Variants in OR2A42 observed in about 807,000 individuals in gnomAD.
The protein encoded by OR2A42 is olfactory receptor family 2 subfamily A member 42, also known as olfactory receptor 2A1/2A42.
For missense variants in OR2A42, 3 were observed against 104.1 expected, an observed-to-expected ratio of 0.03 and a Z score of 4.23; for synonymous variants, 5 against 46.4, an observed-to-expected ratio of 0.11 and a Z score of 3.63.
At chr7:144,235,011 G>C (rs2052408232) in intron 2 of OR2A42, among the ~76,000 whole-genome samples, 1 of 146,610 alleles carries the variant, frequency 6.8e-6, no homozygotes, top group South Asian at 2.2e-4. Flanking sequence ...ATGCGGTGGT[G>C]TGATTACGGC....
At chr7:144,235,638 T>A (rs1224255033) in intron 2 of OR2A42, among the ~76,000 whole-genome samples, 1 of 152,204 alleles carries the variant, frequency 6.6e-6, no homozygotes, top group African/African-American at 2.4e-5. Flanking sequence ...ATCTGGAATG[T>A]CTACTATAAT....
At position 144,230,009 on chromosome 7, in the gene OR2A42, A is replaced by G. The variant is rs2052351600; in HGVS notation, c.*1902T>C. On this transcript the variant is annotated 3_prime_UTR_variant, in exon 3 of 3. Transcript: ENST00000641810. Reference sequence around the variant, plus strand: ...GATGAACCATCAACTTAAAAGTTTTATCCATTGTTTTTGGTTTCACCATCC... The same window carrying G: ...GATGAACCATCAACTTAAAAGTTTTGTCCATTGTTTTTGGTTTCACCATCC... The G allele has an allele frequency of 6.7e-6, 1 of 150,050 alleles. No homozygotes were observed. Among genetic ancestry groups the G allele is most frequent in the Non-Finnish European group, 1.5e-5 (1 of 67,174 alleles). The allele number at this position is 150,050 out of a possible 1,614,324, so 9.3% of individuals were successfully genotyped here.
In OR2A42 at chr7:144,229,746, A is replaced by G. The variant is rs1197427088; in HGVS notation, c.*2165T>C. 2 of 150,538 alleles carry G rather than the reference A, an allele frequency of 1.3e-5. No homozygotes were observed. The highest frequency in any genetic ancestry group is 4.9e-5 in the African/African-American group (2 of 41,154). 9.3% of individuals were successfully genotyped at this position (150,538 alleles called of 1,614,324 possible). A position where few individuals can be genotyped will look rare whatever the true frequency, so the allele number is the denominator to read the frequency against. ...CAATGGAATTACAAATTGTATATCC[A>G]GTTTGGGTAATTTTAAAAAATTTAA... On this transcript the variant is annotated 3_prime_UTR_variant, in exon 3 of 3. Coordinates refer to ENST00000641810, the MANE Select transcript of OR2A42 (RefSeq NM_001001802.3).
chr7:144,229,118 G>C lies in OR2A42; in HGVS notation c.*2793C>G, dbSNP rs1194664509. The C allele has an allele frequency of 1.4e-5, 2 of 145,696 alleles. No homozygotes were observed. The highest frequency in any genetic ancestry group is 2.5e-5 in the African/African-American group (1 of 39,968). 9.0% of individuals were successfully genotyped at this position (145,696 alleles called of 1,614,324 possible). ...CTCTTCCTGTTTAAAGAGCAATTTT[G>C]GTTCCAGATCAGAAAGTTTAGCAAC... is the stretch of plus-strand genomic sequence containing the variant. On this transcript the variant is annotated 3_prime_UTR_variant, in exon 3 of 3. Transcript: ENST00000641810.
rs1380569634 is a variant in OR2A42, at chr7:144,229,767, T to A, written c.*2144A>T. 1.3e-5 allele frequency: 2 copies of A among 150,500 alleles called. No homozygotes were observed. Among genetic ancestry groups the A allele is most frequent in the Non-Finnish European group, 3.0e-5 (2 of 67,152 alleles). 9.3% of individuals were successfully genotyped at this position (150,500 alleles called of 1,614,324 possible). On this transcript the variant is annotated 3_prime_UTR_variant, in exon 3 of 3. Transcript: ENST00000641810. ...ATCCAGTTTGGGTAATTTTAAAAAA[T>A]TTAATAAATTATTTCATTGTTATTA...
In OR2A42 at chr7:144,229,819, C is replaced by T. The variant is rs2052348842; in HGVS notation, c.*2092G>A. ...TGTTGGAGACAAGGTCTCACTCTGTCACCCAGGCTGGAATGCAGTGGTGCG... is the reference window on the plus strand; with the variant it reads ...TGTTGGAGACAAGGTCTCACTCTGTTACCCAGGCTGGAATGCAGTGGTGCG... On this transcript the variant is annotated 3_prime_UTR_variant, in exon 3 of 3. Transcript: ENST00000641810. 1 of 151,054 alleles carries T rather than the reference C, an allele frequency of 6.6e-6. No homozygotes were observed. Among genetic ancestry groups the T allele is most frequent in the Admixed American group, 6.6e-5 (1 of 15,222 alleles). 9.4% of individuals were successfully genotyped at this position (151,054 alleles called of 1,614,324 possible).
chr7:144,238,571 G>A lies in OR2A42; in HGVS notation c.-144C>T, dbSNP rs887262793. The A allele has an allele frequency of 1.3e-5, 2 of 150,338 alleles. No individual in the cohort carries two copies. The highest frequency in any genetic ancestry group is 4.9e-5 in the African/African-American group (2 of 40,822). The allele number at this position is 150,338 out of a possible 1,614,324, so 9.3% of individuals were successfully genotyped here. A position where few individuals can be genotyped will look rare whatever the true frequency, so the allele number is the denominator to read the frequency against. On this transcript the variant is annotated 5_prime_UTR_variant, in exon 2 of 3. Coordinates refer to ENST00000641810, the MANE Select transcript of OR2A42 (RefSeq NM_001001802.3). ...AGGATCTCAGAAGAGTGAAGCACCT[G>A]AAGGTTTCTGGGAGTTTCTGTGGGA... is the stretch of plus-strand genomic sequence containing the variant.
At chr7:144,237,787 G>A (rs1233351056) in intron 2 of OR2A42, among the ~76,000 whole-genome samples, 7 of 149,612 alleles carry the variant, frequency 4.7e-5, no homozygotes, top group Non-Finnish European at 8.9e-5. Context: ...TGTGAATCAG[G>A]TTCTCAGGCA....
At chr7:144,237,439 C>T (rs2052443199) in intron 2 of OR2A42, among the ~76,000 whole-genome samples, 1 of 120,320 alleles carries the variant, frequency 8.3e-6, no homozygotes, top group Non-Finnish European at 1.7e-5. Context: ...ATGAAAGAAA[C>T]TATGGGGTGG....
rs2052361278 is a variant in OR2A42 at position 144,230,539 on chromosome 7, G to C, written c.*1372C>G. ...TGCGTATATGTGTGTGTGTGTGTGTGCGCGCACGCATGTACGTGAGCATGT... is the reference window on the plus strand; with the variant it reads ...TGCGTATATGTGTGTGTGTGTGTGTCCGCGCACGCATGTACGTGAGCATGT... On this transcript the variant is annotated 3_prime_UTR_variant, in exon 3 of 3. Coordinates refer to ENST00000641810, the MANE Select transcript of OR2A42 (RefSeq NM_001001802.3). 2 of 133,508 alleles carry C rather than the reference G, an allele frequency of 1.5e-5. No individual in the cohort carries two copies. Among genetic ancestry groups the C allele is most frequent in the South Asian group, 4.3e-4 (2 of 4,700 alleles). The allele number at this position is 133,508 out of a possible 1,614,324, so 8.3% of individuals were successfully genotyped here.
Position 144,232,266 on chromosome 7 carries a change from AGC to A in OR2A42, c.576_577del (p.Trp192CysfsTer75), listed in dbSNP as rs1312927264. On this transcript the variant is annotated frameshift_variant, in exon 3 of 3. Coordinates refer to ENST00000641810, the MANE Select transcript of OR2A42 (RefSeq NM_001001802.3). LOFTEE classifies it low-confidence loss of function (END_TRUNC). ...GGCTGCAAAGATGACCACCTGGTTG[AGC>A]CAGGTGTCAGCACAGGCCAGCCTGA... 1 of 371,540 alleles carries A rather than the reference AGC, an allele frequency of 2.7e-6. No individual in the cohort carries two copies. The highest frequency in any genetic ancestry group is 4.7e-6 in the Non-Finnish European group (1 of 211,876). The allele number at this position is 371,540 out of a possible 1,614,324, so 23.0% of individuals were successfully genotyped here.
At chr7:144,236,186 C>G (rs1205035140) in intron 2 of OR2A42, among the ~76,000 whole-genome samples, 1 of 147,968 alleles carries the variant, frequency 6.8e-6, no homozygotes, top group East Asian at 1.9e-4. Context: ...CGAAACCTGT[C>G]TACTTCAAAA....
intron 2 of OR2A42, among the ~76,000 whole-genome samples, chr7:144,236,076 T>C (rs2052425945): frequency 6.6e-6 from 1 of 150,406 alleles, no homozygotes; most frequent in Non-Finnish European, 1.5e-5. Flanking sequence ...AAGTTAGCCA[T>C]TTAAAAATTT....
chr7:144,235,579 A>G (rs1209905957), intron 2 of OR2A42, among the ~76,000 whole-genome samples: 12 of 152,140 alleles, frequency 7.9e-5, no homozygotes, highest in African/African-American at 2.7e-4. Flanking sequence ...AATAAATACA[A>G]ATGAATAAAT....
Position 144,228,442 on chromosome 7 carries a change from C to T in OR2A42, c.*3469G>A, listed in dbSNP as rs2052328311. The T allele has an allele frequency of 8.7e-6, 1 of 114,484 alleles. No homozygotes were observed. The highest frequency in any genetic ancestry group is 1.0e-4 in the Admixed American group (1 of 9,936). The allele number at this position is 114,484 out of a possible 1,614,324, so 7.1% of individuals were successfully genotyped here. A position where few individuals can be genotyped will look rare whatever the true frequency, so the allele number is the denominator to read the frequency against. ...AATTACACTAAACTTTATTTCCCCCCCCCCTTTAATGTTAGGATAGTATTA... is the reference window on the plus strand; with the variant it reads ...AATTACACTAAACTTTATTTCCCCCTCCCCTTTAATGTTAGGATAGTATTA... On this transcript the variant is annotated 3_prime_UTR_variant, in exon 3 of 3. Coordinates refer to ENST00000641810, the MANE Select transcript of OR2A42 (RefSeq NM_001001802.3).
In OR2A42 at chr7:144,235,019, G is replaced by A. The variant is rs1319250602; in HGVS notation, c.-4-2172C>T. Among the ~76,000 whole-genome samples, 7 of 146,518 alleles carry A rather than the reference G, an allele frequency of 4.8e-5. 1 individual carries two copies. The highest frequency in any genetic ancestry group is 7.8e-5 in the African/African-American group (3 of 38,244). On this transcript the variant is annotated intron_variant, in intron 2 of 2. Coordinates refer to ENST00000641810, the MANE Select transcript of OR2A42 (RefSeq NM_001001802.3). ...CCCTGGAATGCGGTGGTGTGATTAC[G>A]GCTCACTGTAGTTTTGACATATCAG...
rs1476119898 is a variant in OR2A42 at position 144,238,861 on chromosome 7, A to G, written c.-316-118T>C. ...GCACACCTCTGAGACAACATCTTTC[A>G]TTATAGTCCCGGAATGCTTGGATTT... On this transcript the variant is annotated intron_variant, in intron 1 of 2. Coordinates refer to ENST00000641810, the MANE Select transcript of OR2A42 (RefSeq NM_001001802.3). The G allele has an allele frequency of 2.7e-5, 4 of 150,018 alleles. No homozygotes were observed. The East Asian group carries it at 7.7e-4, about 29-fold the overall frequency. The allele number at this position is 150,018 out of a possible 1,614,324, so 9.3% of individuals were successfully genotyped here.
At chr7:144,235,096 A>G (rs917907157) in intron 2 of OR2A42, among the ~76,000 whole-genome samples, 4 of 146,906 alleles carry the variant, frequency 2.7e-5, no homozygotes, top group African/African-American at 7.8e-5. Flanking sequence ...TTACAGGTGC[A>G]TGCCACCATA....
Position 144,230,268 on chromosome 7 carries a change from A to G in OR2A42, c.*1643T>C, listed in dbSNP as rs2052356146. 8.4e-6 allele frequency: 1 copy of G among 119,290 alleles called. No individual in the cohort carries two copies. The allele number at this position is 119,290 out of a possible 1,614,324, so 7.4% of individuals were successfully genotyped here. On this transcript the variant is annotated 3_prime_UTR_variant, in exon 3 of 3. Coordinates refer to ENST00000641810, the MANE Select transcript of OR2A42 (RefSeq NM_001001802.3). ...ATCTCTCCTCCTCTTCATCTTTGGA[A>G]ATTTCATGATCTCTTTGATTTTTAT...
Sources: allele counts gnomAD v4.1 joint callset (sites outside exome capture counted in the v4.1 genomes callset), GRCh38; gene constraint gnomAD v4.1.1; transcripts MANE v1.5; gene names NCBI Gene and HGNC (gene_info 2026-07-23, HGNC 2026-07-21).